The following CFAP61 variants were observed in gnomAD, a reference collection of about 807,000 sequenced individuals.
CFAP61 encodes cilia- and flagella-associated protein 61.
CFAP61 carries 107 observed loss-of-function variants against 135.6 expected under a neutral mutation model. The ratio of observed to expected loss-of-function variants is 0.79; its 90% CI spans 0.67 to 0.93. The LOEUF (loss-of-function observed/expected upper bound fraction) is 0.93, where lower values mean the gene tolerates loss of function less well. Among genes scored for constraint, CFAP61 ranks in the 40% least tolerant of loss-of-function variants. The probability of loss-of-function intolerance (pLI) is 0.00; values close to 1 mark genes in which losing one functional copy is unlikely to be tolerated. For synonymous variants in CFAP61, 575 were observed against 578.5 expected (o/e 0.99, Z 0.09); for missense variants, 1,507 against 1,556.2 (o/e 0.97, Z 0.53).
In CFAP61 at chr20:20,189,671, C is replaced by G. The variant is rs576307189; in HGVS notation, c.1512+1615C>G. 8.7e-4 allele frequency among the ~76,000 whole-genome samples: 133 copies of G among 152,296 alleles called. 1 individual carries two copies. Among genetic ancestry groups the G allele is most frequent in the African/African-American group, 3.0e-3 (126 of 41,558 alleles). ...GAATGACTAAAACAAAATAGCGATG[C>G]CACTAGCCGCTAAATGCTGGCAAGG... is the stretch of plus-strand genomic sequence containing the variant. On this transcript the variant is annotated intron_variant, in intron 14 of 26. Coordinates refer to ENST00000245957, the MANE Select transcript of CFAP61 (RefSeq NM_015585.4).
Position 20,310,504 on chromosome 20 carries a change from C to A in CFAP61, c.3422+12118C>A, listed in dbSNP as rs551149394. Among the ~76,000 whole-genome samples, 22 of 152,334 alleles carry A rather than the reference C, an allele frequency of 1.4e-4. No homozygotes were observed. The South Asian group carries it at 3.9e-3, about 27-fold the overall frequency. On this transcript the variant is annotated intron_variant, in intron 25 of 26. Transcript: ENST00000245957. ...ACTGTAAGTACCATGGTTCGTCTCT[C>A]AGCTAAGGTTCCACTGCAGACAGCA...
intron 1 of CFAP61, chr20:20,052,846 C>A: frequency 1.1e-6 from 1 of 910,936 alleles, no homozygotes; most frequent in South Asian, 1.7e-5. Context: ...GGCTGCAATG[C>A]CTCGAGCATT....
At chr20:20,247,968 T>C (rs2146978209) in intron 19 of CFAP61, among the ~76,000 whole-genome samples, 1 of 152,358 alleles carries the variant, frequency 6.6e-6, no homozygotes, top group South Asian at 2.1e-4. Flanking sequence ...ATTATTTGCC[T>C]TTTGAAATAA....
intron 25 of CFAP61, among the ~76,000 whole-genome samples, chr20:20,306,752 C>T (rs961617630): frequency 1.3e-5 from 2 of 152,104 alleles, no homozygotes; most frequent in Admixed American, 6.6e-5. Flanking sequence ...CAGAGGAAGG[C>T]GCTGGCATTC....
At position 20,109,930 on chromosome 20, in the gene CFAP61, G is replaced by A. The variant is rs373799524; in HGVS notation, c.859+11116G>A. ...CATTCTTTTTTTTTTTTTTGAGACG[G>A]AGTCTCGCTCTTGTTGCCCAGGCTG... is the stretch of plus-strand genomic sequence containing the variant. On this transcript the variant is annotated intron_variant, in intron 8 of 26. Coordinates refer to ENST00000245957, the MANE Select transcript of CFAP61 (RefSeq NM_015585.4). 2.7e-5 allele frequency among the ~76,000 whole-genome samples: 4 copies of A among 150,478 alleles called. 1 individual carries two copies. The highest frequency in any genetic ancestry group is 7.3e-5 in the African/African-American group (3 of 41,018).
At chr20:20,245,550 G>A (rs943757351) in intron 18 of CFAP61, among the ~76,000 whole-genome samples, 2 of 152,126 alleles carry the variant, frequency 1.3e-5, no homozygotes, top group African/African-American at 2.4e-5. Context: ...CCCACAACAC[G>A]TGGGAATTAT....
intron 2 of CFAP61, among the ~76,000 whole-genome samples, chr20:20,067,094 A>T (rs1444760103): frequency 7.0e-6 from 1 of 142,468 alleles, no homozygotes; most frequent in Non-Finnish European, 1.5e-5. Flanking sequence ...TCTGACTCTT[A>T]AAAAAAAAAA....
In CFAP61 at chr20:20,359,286, ATTATAAGCAAGAAAACT is replaced by A. The variant is rs1481149412; in HGVS notation, c.3514-921_3514-905del. Among the ~76,000 whole-genome samples the A allele has an allele frequency of 6.6e-6, 1 of 152,242 alleles. No individual in the cohort carries two copies. Among genetic ancestry groups the A allele is most frequent in the Non-Finnish European group, 1.5e-5 (1 of 68,030 alleles). On this transcript the variant is annotated intron_variant, in intron 26 of 26. Coordinates refer to ENST00000245957, the MANE Select transcript of CFAP61 (RefSeq NM_015585.4). The surrounding 1 kb of genome is among the most constrained non-coding windows in gnomAD (Gnocchi z 4.0). Reference sequence around the variant, plus strand: ...GGTTTTAAAATCCCACTTCTTGGGAATTATAAGCAAGAAAACTTTTCATATAGGACCTTTCAAGTAAA... The same window carrying A: ...GGTTTTAAAATCCCACTTCTTGGGAATTTCATATAGGACCTTTCAAGTAAA...
intron 10 of CFAP61, among the ~76,000 whole-genome samples, chr20:20,163,669 AGG>A (rs1373025295): frequency 8.6e-5 from 13 of 151,524 alleles, no homozygotes; most frequent in Admixed American, 8.6e-4. Flanking sequence ...TTTGTTACCT[AGG>A]TATACATGTG....
At position 20,288,605 on chromosome 20, in the gene CFAP61, G is replaced by A. The variant is rs747400721; in HGVS notation, c.2797-4G>A. On this transcript the variant is annotated splice_region_variant and splice_polypyrimidine_tract_variant and intron_variant, in intron 22 of 26. Transcript: ENST00000245957. ...GAATATTGCTGTAATTGTTCACTTC[G>A]TAGATGTTCTTCAGCTTCTGTGAGA... The A allele has an allele frequency of 1.7e-5, 28 of 1,608,268 alleles. No individual in the cohort carries two copies. In the East Asian group the frequency reaches 1.8e-4, roughly 10 times the overall value.
At position 20,288,792 on chromosome 20, in the gene CFAP61, C is replaced by G. The variant is rs763164761; in HGVS notation, c.2980C>G (p.His994Asp). Residue 994 changes from histidine to aspartate, a missense_variant, in exon 23 of 27, where the codon CAC becomes GAC. By Grantham distance (81) the His-to-Asp change is moderately conservative (BLOSUM62 -1). Coordinates refer to ENST00000245957, the MANE Select transcript of CFAP61 (RefSeq NM_015585.4). The stretch of plus-strand genomic sequence containing the variant: ...TAGATACTACTCAAATGAGTGGACT[C>G]ACAGCAACTTCAGTTCCAAAGAAAT... Reference protein sequence around the residue: ...SNRYYSNEWTHSNFSSKEIGF... With the variant: ...SNRYYSNEWTDSNFSSKEIGF... 14 of 1,614,094 alleles carry G rather than the reference C, an allele frequency of 8.7e-6. No homozygotes were observed. The East Asian group carries it at 3.1e-4, about 36-fold the overall frequency.
At chr20:20,154,686 C>A (rs1346243964) in intron 9 of CFAP61, among the ~76,000 whole-genome samples, 1 of 150,576 alleles carries the variant, frequency 6.6e-6, no homozygotes, top group South Asian at 2.1e-4. Flanking sequence ...CTTAAAAAAA[C>A]AAACAAAAAA....
chr20:20,098,933 T>G (rs2047798974), intron 8 of CFAP61, 119 bp downstream of exon 8: 1 of 897,126 alleles, frequency 1.1e-6, no homozygotes, highest in Non-Finnish European at 1.6e-6. Flanking sequence ...CCAGTTCCCC[T>G]TAAGGAGTAG....
At position 20,360,324 on chromosome 20, in the gene CFAP61, A is replaced by G; in HGVS notation, c.3628A>G (p.Lys1210Glu). 6.2e-7 allele frequency: 1 copy of G among 1,613,910 alleles called. No individual in the cohort carries two copies. The highest frequency in any genetic ancestry group is 8.5e-7 in the Non-Finnish European group (1 of 1,180,008). The change falls in exon 27 of 27, where the codon AAA (lysine) becomes GAA (glutamate). Residue 1210 changes from lysine to glutamate, a missense_variant. Physicochemically the swap from Lys to Glu is moderately conservative, Grantham distance 56 (BLOSUM62 1). Coordinates refer to ENST00000245957, the MANE Select transcript of CFAP61 (RefSeq NM_015585.4). Reference protein sequence around the residue: ...LKRVFEESIYKTLVERSTLDY... With the variant: ...LKRVFEESIYETLVERSTLDY... ...AAGAGTTTTTGAGGAATCCATCTAC[A>G]AAACCCTGGTGGAGAGAAGCACTCT...
rs766121794 is a variant in CFAP61 at position 20,196,659 on chromosome 20, C to T, written c.1680C>T (p.His560=). 125 of 1,613,876 alleles carry T rather than the reference C, an allele frequency of 7.7e-5. No homozygotes were observed. Among genetic ancestry groups the T allele is most frequent in the Non-Finnish European group, 1.0e-4 (121 of 1,179,892 alleles). ...HQREEHGHMH[H]FALNPIFRHY... is the part of the protein sequence containing the mutation. ...GCGAAGAACACGGGCACATGCATCA[C>T]TTTGCCCTCAACCCCATTTTCCGGC... is the stretch of plus-strand genomic sequence containing the variant. Residue 560 remains histidine (H), a synonymous_variant, in exon 16 of 27, where the codon CAC becomes CAT. Transcript: ENST00000245957.
In CFAP61 at chr20:20,075,628, T is replaced by G; in HGVS notation, c.566+13T>G. ...TTCGCAAAGCCAGGTACAGTTGGAG[T>G]CATGCCTTGTGTGACCTAAGCTTCA... is the stretch of plus-strand genomic sequence containing the variant. On this transcript the variant is annotated intron_variant, in intron 6 of 26. Transcript: ENST00000245957. The G allele has an allele frequency of 6.2e-7, 1 of 1,613,192 alleles. No individual in the cohort carries two copies. The highest frequency in any genetic ancestry group is 8.5e-7 in the Non-Finnish European group (1 of 1,179,366).
At chr20:20,207,711 T>C (rs542643398) in intron 17 of CFAP61, among the ~76,000 whole-genome samples, 3 of 152,316 alleles carry the variant, frequency 2.0e-5, no homozygotes, top group African/African-American at 7.2e-5. Flanking sequence ...TTCCCCTTGA[T>C]TAAAAATAAA....
chr20:20,355,139 C>T (rs1232244751), intron 26 of CFAP61, among the ~76,000 whole-genome samples: 1 of 133,950 alleles, frequency 7.5e-6, no homozygotes, highest in Non-Finnish European at 1.6e-5. Flanking sequence ...GGGAGGTGGT[C>T]ACATTGTGAG....
intron 26 of CFAP61, among the ~76,000 whole-genome samples, chr20:20,346,045 G>C (rs1446864853): frequency 2.1e-5 from 3 of 141,256 alleles, no homozygotes; most frequent in Non-Finnish European, 4.7e-5. Flanking sequence ...GGGACTACAG[G>C]CGCCCGCCAC....
Sources: gnomAD v4.1 joint callset for allele counts (sites outside exome capture counted in the v4.1 genomes callset) on GRCh38, gnomAD v4.1.1 for gene constraint, Gnocchi (gnomAD v3.1) non-coding constraint, MANE v1.5 for transcripts, NCBI Gene and HGNC (gene_info 2026-07-23, HGNC 2026-07-21) for gene names.